Variants in MAGI2 observed in about 807,000 individuals in gnomAD.
MAGI2 encodes membrane-associated guanylate kinase, WW and PDZ domain-containing protein 2.
Under a neutral mutation model 133.3 loss-of-function variants are expected in MAGI2, and 35 were observed. The observed-to-expected ratio is 0.26, with a 90% confidence interval of 0.20 to 0.35. The LOEUF (loss-of-function observed/expected upper bound fraction) is 0.35. Among genes scored for constraint, MAGI2 ranks in the 10% least tolerant of loss-of-function variants. The pLI is 1.00. For synonymous variants in MAGI2, 729 were observed against 710.6 expected (o/e 1.03, Z -0.41); for missense variants, 1,636 against 1,863.4 (o/e 0.88, Z 2.25).
At chr7:78,981,360 C>T (rs1804769499) in intron 2 of MAGI2, among the ~76,000 whole-genome samples, 1 of 151,544 alleles carries the variant, frequency 6.6e-6, no homozygotes, top group Admixed American at 6.6e-5. Flanking sequence ...TGAATGATTT[C>T]AGCAGACAAA....
chr7:79,053,339 A>G (rs1326305293), intron 1 of MAGI2, among the ~76,000 whole-genome samples: 5 of 152,000 alleles, frequency 3.3e-5, no homozygotes, highest in African/African-American at 1.2e-4. Flanking sequence ...AGACTTACAT[A>G]AACAAGGGAG....
At chr7:78,472,645 G>A (rs751755635) in intron 6 of MAGI2, among the ~76,000 whole-genome samples, 6 of 152,122 alleles carry the variant, frequency 3.9e-5, no homozygotes, top group Non-Finnish European at 7.4e-5. Context: ...AATGGTAACT[G>A]CAATATCATT....
intron 2 of MAGI2, among the ~76,000 whole-genome samples, chr7:78,723,025 A>G (rs1047908487): frequency 6.6e-6 from 1 of 152,150 alleles, no homozygotes; most frequent in Non-Finnish European, 1.5e-5. Flanking sequence ...CACTCAGTAA[A>G]GTTGCTAAGA....
intron 9 of MAGI2, among the ~76,000 whole-genome samples, chr7:78,262,490 A>G (rs1180824946): frequency 6.6e-6 from 1 of 152,076 alleles, no homozygotes; most frequent in Middle Eastern, 3.2e-3. Flanking sequence ...TTCACCTAAC[A>G]TCCTTTAGTG....
At chr7:78,355,854 T>C (rs1792022558) in intron 7 of MAGI2, among the ~76,000 whole-genome samples, 1 of 152,206 alleles carries the variant, frequency 6.6e-6, no homozygotes, top group Non-Finnish European at 1.5e-5. Context: ...AATACAGATA[T>C]ATTAAATATA....
chr7:78,080,752 A>C (rs1815870327), intron 20 of MAGI2, among the ~76,000 whole-genome samples: 1 of 152,180 alleles, frequency 6.6e-6, no homozygotes, highest in South Asian at 2.1e-4. Flanking sequence ...GACAGGGCTA[A>C]CTACCTTTCT....
At chr7:79,196,275 C>G (rs1380540770) in intron 1 of MAGI2, among the ~76,000 whole-genome samples, 3 of 151,614 alleles carry the variant, frequency 2.0e-5, no homozygotes, top group Non-Finnish European at 4.4e-5. Flanking sequence ...GAAAATGAAA[C>G]TGAAAAAGTT....
At chr7:78,510,827 C>T (rs1795498798) in intron 4 of MAGI2, among the ~76,000 whole-genome samples, 6 of 152,188 alleles carry the variant, frequency 3.9e-5, no homozygotes, top group African/African-American at 1.4e-4. Flanking sequence ...TTGAGAGCAA[C>T]TGATTTAAAG....
rs117974663 is a variant in MAGI2, at chr7:78,761,622, T to G, written c.419-134383A>C. Among the ~76,000 whole-genome samples, 77 of 152,176 alleles carry G rather than the reference T, an allele frequency of 5.1e-4. No homozygotes were observed. The East Asian group carries it at 0.014, about 27-fold the overall frequency. ...CTGAGATTACAGGAGCCCATCATCA[T>G]ACCTGGCTAATTTTTAGTAAAGATG... On this transcript the variant is annotated intron_variant, in intron 2 of 21. Transcript: ENST00000354212.
intron 2 of MAGI2, among the ~76,000 whole-genome samples, chr7:78,709,142 C>G (rs1229089702): frequency 6.6e-6 from 1 of 152,016 alleles, no homozygotes; most frequent in African/African-American, 2.4e-5. Context: ...GTTTAAAATG[C>G]CTCACTGCTT....
intron 1 of MAGI2, among the ~76,000 whole-genome samples, chr7:79,052,574 C>A (rs1335593983): frequency 6.6e-6 from 1 of 152,158 alleles, no homozygotes; most frequent in Non-Finnish European, 1.5e-5. Context: ...TTGCCTAAGC[C>A]AACTTGACCG....
chr7:78,209,179 G>A (rs1227153311), intron 10 of MAGI2, among the ~76,000 whole-genome samples: 15 of 34,844 alleles, frequency 4.3e-4, no homozygotes, highest in South Asian at 4.4e-3. Context: ...CTGAGATCGC[G>A]CCACTGCACT....
At chr7:79,409,700 CT>C (rs1846029484) in intron 1 of MAGI2, among the ~76,000 whole-genome samples, 2 of 152,022 alleles carry the variant, frequency 1.3e-5, no homozygotes, top group Non-Finnish European at 1.5e-5. Flanking sequence ...CACAATAGAT[CT>C]CTCCCATTAT....
At chr7:78,152,514 G>A (rs1021370398) in intron 16 of MAGI2, among the ~76,000 whole-genome samples, 20 of 152,126 alleles carry the variant, frequency 1.3e-4, no homozygotes, top group African/African-American at 4.3e-4. Context: ...CATTAGCAAC[G>A]ATCTACCACT....
chr7:78,873,166 C>T lies in MAGI2; in HGVS notation c.418+133924G>A, dbSNP rs1204692620. Among the ~76,000 whole-genome samples, 4 of 152,096 alleles carry T rather than the reference C, an allele frequency of 2.6e-5. No individual in the cohort carries two copies. In the East Asian group the frequency reaches 5.8e-4, roughly 22 times the overall value. ...ACTTAGATGACGATTTTAAGAAAAG[C>T]TGCTAAATAAGTATTTTTTATGTGT... On this transcript the variant is annotated intron_variant, in intron 2 of 21. Transcript: ENST00000354212.
At chr7:78,334,717 A>G (rs548126065) in intron 9 of MAGI2, among the ~76,000 whole-genome samples, 1 of 152,330 alleles carries the variant, frequency 6.6e-6, no homozygotes, top group Non-Finnish European at 1.5e-5. Flanking sequence ...GCCCAGGCAT[A>G]TCCACGGGGC....
intron 1 of MAGI2, among the ~76,000 whole-genome samples, chr7:79,421,679 A>G (rs1430158396): frequency 6.6e-6 from 1 of 151,912 alleles, no homozygotes; most frequent in African/African-American, 2.4e-5. Flanking sequence ...GTGGGCTATC[A>G]TCTGAAGAAT....
At chr7:79,137,525 T>G (rs2129545901) in intron 1 of MAGI2, among the ~76,000 whole-genome samples, 1 of 149,896 alleles carries the variant, frequency 6.7e-6, no homozygotes, top group African/African-American at 2.4e-5. Flanking sequence ...TGATCTCAGC[T>G]CACTGCAACC....
At chr7:79,315,710 T>A (rs2129561127) in intron 1 of MAGI2, among the ~76,000 whole-genome samples, 1 of 152,206 alleles carries the variant, frequency 6.6e-6, no homozygotes, top group South Asian at 2.1e-4. Flanking sequence ...AAGGAGATAT[T>A]GTTAATGGTG....
Sources: gnomAD v4.1 joint callset for allele counts (sites outside exome capture counted in the v4.1 genomes callset) on GRCh38, gnomAD v4.1.1 for gene constraint, MANE v1.5 for transcripts, NCBI Gene and HGNC (gene_info 2026-07-23, HGNC 2026-07-21) for gene names.